MED13L: variants seen among roughly 807,000 people sequenced by gnomAD.
MED13L encodes mediator complex subunit 13L, also known as mediator of RNA polymerase II transcription subunit 13-like.
In MED13L, 7 loss-of-function variants were observed where a neutral mutation model predicts 220.9. That is an observed-to-expected ratio of 0.03 (90% CI 0.02 to 0.06). The LOEUF (loss-of-function observed/expected upper bound fraction) is 0.06. Ranked by LOEUF, MED13L falls within the 10% of genes least tolerant of loss-of-function variation. MED13L has a pLI of 1.00. For synonymous variants in MED13L, 1,011 were observed against 1,015.2 expected (o/e 1.00, Z 0.08); for missense variants, 1,965 against 2,760.5 (o/e 0.71, Z 6.46).
chr12:115,972,459 C>A (rs1314535669), intron 25 of MED13L: 1 of 549,568 alleles, frequency 1.8e-6, no homozygotes, highest in African/African-American at 1.9e-5. Flanking sequence ...TGGCTGAAGT[C>A]ATGTCTGAAA....
At chr12:116,162,907 AAAAT>A (rs1205984728) in intron 2 of MED13L, among the ~76,000 whole-genome samples, 10 of 152,196 alleles carry the variant, frequency 6.6e-5, no homozygotes, top group Non-Finnish European at 1.5e-4. Flanking sequence ...ATAAAGATAA[AAAAT>A]AAATAAAGAG....
chr12:116,102,827 T>G (rs527248413), intron 3 of MED13L, among the ~76,000 whole-genome samples: 2 of 147,496 alleles, frequency 1.4e-5, no homozygotes, highest in African/African-American at 5.0e-5. Context: ...GTTCAAGCGA[T>G]TCTCCTGCCT....
chr12:116,190,166 T>C (rs964617735), intron 2 of MED13L, among the ~76,000 whole-genome samples: 1 of 152,220 alleles, frequency 6.6e-6, no homozygotes, highest in Non-Finnish European at 1.5e-5. Context: ...TTTTCACCAT[T>C]AAGAATAATC....
intron 16 of MED13L, 143 bp downstream of exon 16, chr12:115,996,333 C>A: frequency 5.7e-6 from 5 of 875,138 alleles, no homozygotes; most frequent in South Asian, 4.1e-5. Flanking sequence ...CTCAAGTGAT[C>A]TGCCCGCCTC....
chr12:116,131,601 T>C (rs1015712566), intron 2 of MED13L, among the ~76,000 whole-genome samples: 7 of 152,262 alleles, frequency 4.6e-5, no homozygotes, highest in Admixed American at 1.3e-4. Flanking sequence ...AGGTTTTAGG[T>C]TCTGGTTAAA....
intron 4 of MED13L, among the ~76,000 whole-genome samples, chr12:116,058,435 G>A (rs921903146): frequency 6.6e-6 from 1 of 152,106 alleles, no homozygotes. Flanking sequence ...TGATGAGTCT[G>A]TATACATACA....
intron 4 of MED13L, among the ~76,000 whole-genome samples, chr12:116,084,026 G>A (rs756500992): frequency 6.6e-6 from 1 of 152,162 alleles, no homozygotes; most frequent in Non-Finnish European, 1.5e-5. Flanking sequence ...CACAAATACA[G>A]AACTCTTGGT....
chr12:116,122,347 A>C (rs1008158651), intron 2 of MED13L, among the ~76,000 whole-genome samples: 5 of 152,222 alleles, frequency 3.3e-5, no homozygotes, highest in African/African-American at 1.2e-4. Context: ...CCAATGACTT[A>C]CAACACTACA....
chr12:116,007,297 A>G (rs1453451486), intron 11 of MED13L, 114 bp downstream of exon 11: 5 of 920,044 alleles, frequency 5.4e-6, no homozygotes, highest in African/African-American at 4.9e-5. Context: ...ATGGGGACAG[A>G]GCAATCAGGC....
At chr12:116,268,230 A>C (rs1872985629) in intron 1 of MED13L, among the ~76,000 whole-genome samples, 1 of 152,206 alleles carries the variant, frequency 6.6e-6, no homozygotes, top group Non-Finnish European at 1.5e-5. Context: ...AGGAGGTAAC[A>C]TTTGAACTTC....
intron 1 of MED13L, among the ~76,000 whole-genome samples, chr12:116,254,788 T>G (rs542836766): frequency 6.6e-6 from 1 of 152,036 alleles, no homozygotes; most frequent in Non-Finnish European, 1.5e-5. Flanking sequence ...TCTAAAATAA[T>G]AGCCATTAAA....
At chr12:115,965,998 C>T in intron 29 of MED13L, 84 bp downstream of exon 29, 6 of 1,518,028 alleles carry the variant, frequency 4.0e-6, no homozygotes, top group Non-Finnish European at 5.5e-6. Flanking sequence ...ATTATGGTGA[C>T]TAAAACTGAA....
intron 1 of MED13L, among the ~76,000 whole-genome samples, chr12:116,240,809 G>A (rs377538703): frequency 1.3e-5 from 2 of 150,666 alleles, no homozygotes; most frequent in Non-Finnish European, 1.5e-5. Flanking sequence ...TTACAGGCGC[G>A]AGCCACCACG....
At chr12:116,234,024 A>G (rs1463048526) in intron 2 of MED13L, among the ~76,000 whole-genome samples, 1 of 152,182 alleles carries the variant, frequency 6.6e-6, no homozygotes, top group Non-Finnish European at 1.5e-5. Context: ...TTTAAATGCA[A>G]GATGGTTGCT....
intron 2 of MED13L, among the ~76,000 whole-genome samples, chr12:116,217,716 T>C (rs1004583643): frequency 1.6e-4 from 25 of 152,300 alleles, no homozygotes; most frequent in African/African-American, 6.0e-4. Context: ...TTCTGTGAGA[T>C]GAAGAACTGA....
At chr12:116,250,805 T>G (rs992886333) in intron 1 of MED13L, among the ~76,000 whole-genome samples, 2 of 151,344 alleles carry the variant, frequency 1.3e-5, no homozygotes, top group Non-Finnish European at 2.9e-5. Context: ...AAAAATTTGT[T>G]TTCTCATCTT....
At position 115,975,161 on chromosome 12, in the gene MED13L, A is replaced by C. The variant is rs779002211; in HGVS notation, c.5731+10T>G. 1 of 1,613,944 alleles carries C rather than the reference A, an allele frequency of 6.2e-7. No homozygotes were observed. Among genetic ancestry groups the C allele is most frequent in the Non-Finnish European group, 8.5e-7 (1 of 1,179,944 alleles). ...TGTCTTCTGCAAATACTTCTTCAAA[A>C]ATTTCTCACCTTTAAGCTCCCCATG... On this transcript the variant is annotated intron_variant, in intron 25 of 30. Coordinates refer to ENST00000281928, the MANE Select transcript of MED13L (RefSeq NM_015335.5).
At chr12:116,076,560 A>G (rs936335197) in intron 4 of MED13L, among the ~76,000 whole-genome samples, 1 of 152,092 alleles carries the variant, frequency 6.6e-6, no homozygotes, top group African/African-American at 2.4e-5. Context: ...AATAAAAACC[A>G]AAAACTACAA....
intron 2 of MED13L, among the ~76,000 whole-genome samples, chr12:116,165,157 G>T (rs752442273): frequency 8.6e-5 from 13 of 150,878 alleles, no homozygotes; most frequent in Non-Finnish European, 1.8e-4. Context: ...TCAGACTCCT[G>T]ACACAAAAAC....
Sources: allele counts gnomAD v4.1 joint callset (sites outside exome capture counted in the v4.1 genomes callset), GRCh38; gene constraint gnomAD v4.1.1; transcripts MANE v1.5; gene names NCBI Gene and HGNC (gene_info 2026-07-23, HGNC 2026-07-21).